The following NR2F1-AS1 variants were observed in gnomAD, a reference collection of about 807,000 sequenced individuals.
The protein encoded by NR2F1-AS1 is NR2F1 antisense RNA 1.
chr5:93,574,020 A>G (rs1752837687), intron 1 of NR2F1-AS1, among the ~76,000 whole-genome samples: 1 of 152,190 alleles, frequency 6.6e-6, no homozygotes, highest in African/African-American at 2.4e-5. Context: ...CTAAACTCCA[A>G]CCAGCAGCTA....
At chr5:93,466,104 G>C (rs1260491497) in intron 4 of NR2F1-AS1, among the ~76,000 whole-genome samples, 1 of 151,970 alleles carries the variant, frequency 6.6e-6, no homozygotes, top group African/African-American at 2.4e-5. Context: ...ACTAGCTAGA[G>C]GAAGCTAGGA....
At chr5:93,584,893 GGCGCCCGGC>G (rs1753198977), upstream of NR2F1-AS1, 1 of 154,828 alleles carries the variant, frequency 6.5e-6, no homozygotes, top group African/African-American at 2.5e-5. Context: ...GCGACCCCGG[GGCGCCCGGC>G]GGGCCCCCCG....
chr5:93,470,602 T>C (rs575313077), intron 4 of NR2F1-AS1, among the ~76,000 whole-genome samples: 1 of 151,990 alleles, frequency 6.6e-6, no homozygotes, highest in East Asian at 1.9e-4. Context: ...ACGGTATTTA[T>C]GAAAATTCTA....
At chr5:93,536,787 G>A (rs1476824728) in intron 4 of NR2F1-AS1, among the ~76,000 whole-genome samples, 1 of 152,180 alleles carries the variant, frequency 6.6e-6, no homozygotes, top group Non-Finnish European at 1.5e-5. Context: ...TTGGCTCTGT[G>A]TCCTCACCCA....
In NR2F1-AS1 at chr5:93,482,833, T is replaced by C. The variant is rs564627538; in HGVS notation, n.638+70928A>G. Among the ~76,000 whole-genome samples, 365 of 152,312 alleles carry C rather than the reference T, an allele frequency of 2.4e-3. 2 individuals carry two copies. The highest frequency in any genetic ancestry group is 3.5e-3 in the Non-Finnish European group (241 of 68,018). On this transcript the variant is annotated intron_variant and non_coding_transcript_variant, in intron 4 of 5. Transcript: ENST00000660523. Reference sequence around the variant, plus strand: ...CCCCTCACAGTGTAAACAAAGCCTCTGGGAAGTTCCAACTGGGCAGAGCCC... The same window carrying C: ...CCCCTCACAGTGTAAACAAAGCCTCCGGGAAGTTCCAACTGGGCAGAGCCC...
chr5:93,500,102 A>C (rs1016342794), intron 4 of NR2F1-AS1, among the ~76,000 whole-genome samples: 1 of 152,244 alleles, frequency 6.6e-6, no homozygotes, highest in Admixed American at 6.5e-5. Context: ...AAGTTATCCA[A>C]AGATCTAGCT....
chr5:93,576,169 C>A (rs1752889496), intron 1 of NR2F1-AS1, among the ~76,000 whole-genome samples: 1 of 152,190 alleles, frequency 6.6e-6, no homozygotes, highest in Admixed American at 6.5e-5. Flanking sequence ...CCTAGAATAG[C>A]CAAGGATCAA....
upstream of NR2F1-AS1, among the ~76,000 whole-genome samples, chr5:93,581,757 TCTCCTCTCTCCCTCTCCCTCTCCCTCTCC>T (rs1753065869): frequency 4.1e-5 from 1 of 24,200 alleles, no homozygotes; most frequent in African/African-American, 2.1e-4. Flanking sequence ...TCCCTCTCCC[TCTCCTCTCTCCCTCTCCCTCTCCCTCTCC>T]CTCTCCCTCT....
At chr5:93,483,259 A>G (rs2149876128) in intron 4 of NR2F1-AS1, among the ~76,000 whole-genome samples, 1 of 152,346 alleles carries the variant, frequency 6.6e-6, no homozygotes, top group Admixed American at 6.5e-5. Flanking sequence ...AGGAAAAGGC[A>G]GCAATCTTTG....
At chr5:93,456,656 TA>T (rs1183139908) in intron 4 of NR2F1-AS1, among the ~76,000 whole-genome samples, 2 of 151,176 alleles carry the variant, frequency 1.3e-5, no homozygotes, top group African/African-American at 4.9e-5. Flanking sequence ...TTTACATTTT[TA>T]ATTTTTTTTT....
intron 4 of NR2F1-AS1, chr5:93,423,133 G>A (rs1362693454): frequency 6.6e-6 from 1 of 152,454 alleles, no homozygotes; most frequent in Non-Finnish European, 1.5e-5. Context: ...CAGGAATCAT[G>A]AATGCCAGAT....
At chr5:93,564,615 A>T (rs532724451) in intron 1 of NR2F1-AS1, among the ~76,000 whole-genome samples, 2 of 152,360 alleles carry the variant, frequency 1.3e-5, no homozygotes, top group African/African-American at 4.8e-5. Context: ...AACAAGAAAC[A>T]AGCCCATTTT....
At chr5:93,457,733 T>C in intron 4 of NR2F1-AS1, among the ~76,000 whole-genome samples, 1 of 152,102 alleles carries the variant, frequency 6.6e-6, no homozygotes, top group East Asian at 1.9e-4. Context: ...GTGTCACCTT[T>C]GTGTTCTCTA....
intron 4 of NR2F1-AS1, among the ~76,000 whole-genome samples, chr5:93,449,119 C>T (rs1561443074): frequency 6.6e-6 from 1 of 151,938 alleles, no homozygotes; most frequent in Admixed American, 6.6e-5. Flanking sequence ...AAATTGTACA[C>T]TCTAAAATAC....
At chr5:93,557,577 T>TA (rs879315110) in intron 2 of NR2F1-AS1, among the ~76,000 whole-genome samples, 2,303 of 147,448 alleles carry the variant, frequency 0.016, 63 homozygotes, top group African/African-American at 0.052. Flanking sequence ...ACTTTATTGC[T>TA]AAAAAAAAAA....
intron 4 of NR2F1-AS1, among the ~76,000 whole-genome samples, chr5:93,490,694 G>A (rs1356265171): frequency 6.6e-6 from 1 of 151,672 alleles, no homozygotes; most frequent in East Asian, 1.9e-4. Flanking sequence ...TGGTGCTGGT[G>A]GTAGTGATAG....
intron 4 of NR2F1-AS1, among the ~76,000 whole-genome samples, chr5:93,457,167 CG>C (rs1260437291): frequency 6.6e-6 from 1 of 152,090 alleles, no homozygotes; most frequent in Non-Finnish European, 1.5e-5. Flanking sequence ...TTACGGGTGT[CG>C]GGCTGGGGAA....
chr5:93,489,054 C>G (rs889800826), intron 4 of NR2F1-AS1, among the ~76,000 whole-genome samples: 1 of 152,036 alleles, frequency 6.6e-6, no homozygotes, highest in Non-Finnish European at 1.5e-5. Flanking sequence ...ACAATGAGAA[C>G]ACATGGACAC....
chr5:93,567,842 C>T (rs1468435917), intron 1 of NR2F1-AS1, among the ~76,000 whole-genome samples: 1 of 152,188 alleles, frequency 6.6e-6, no homozygotes, highest in East Asian at 1.9e-4. Context: ...GAATTCAGTA[C>T]CATCTATGCT....
Sources: allele counts gnomAD v4.1 joint callset (sites outside exome capture counted in the v4.1 genomes callset), GRCh38; gene constraint gnomAD v4.1.1; transcripts MANE v1.5; gene names NCBI Gene and HGNC (gene_info 2026-07-23, HGNC 2026-07-21).